The following NRXN3 variants were observed in gnomAD, a reference collection of about 807,000 sequenced individuals.
The protein encoded by NRXN3 is neurexin 3.
NRXN3 carries 32 observed loss-of-function variants against 137.6 expected under a neutral mutation model. The observed-to-expected ratio is 0.23, with a 90% CI of 0.18 to 0.31. The LOEUF is 0.31. Among genes scored for constraint, NRXN3 ranks in the 10% least tolerant of loss-of-function variants. The pLI is 1.00. For synonymous variants in NRXN3, 798 were observed against 784.5 expected (o/e 1.02, Z -0.29); for missense variants, 1,574 against 2,062.5 (o/e 0.76, Z 4.59).
At chr14:78,193,943 A>G (rs538725254) in intron 1 of NRXN3, among the ~76,000 whole-genome samples, 132 of 152,156 alleles carry the variant, frequency 8.7e-4, no homozygotes, top group African/African-American at 3.1e-3. Context: ...CCTGCTAGAC[A>G]TGGTATCATA....
intron 15 of NRXN3, among the ~76,000 whole-genome samples, chr14:79,267,685 G>A (rs2078651560): frequency 6.6e-6 from 1 of 151,742 alleles, no homozygotes; most frequent in African/African-American, 2.4e-5. Context: ...GTTTCACCAT[G>A]TTGGCCAGGC....
At chr14:79,213,428 A>C (rs995818858) in intron 15 of NRXN3, among the ~76,000 whole-genome samples, 17 of 152,222 alleles carry the variant, frequency 1.1e-4, no homozygotes, top group Non-Finnish European at 2.1e-4. Context: ...GGCAGAACAT[A>C]ATACAGTAAA....
intron 15 of NRXN3, among the ~76,000 whole-genome samples, chr14:79,394,938 C>T (rs1032692452): frequency 3.3e-5 from 5 of 152,134 alleles, no homozygotes; most frequent in African/African-American, 9.7e-5. Flanking sequence ...CTAAAGAGCC[C>T]GCATTCTTCT....
intron 4 of NRXN3, among the ~76,000 whole-genome samples, chr14:78,500,908 G>A (rs1226433218): frequency 2.0e-5 from 3 of 152,080 alleles, no homozygotes; most frequent in Admixed American, 1.3e-4. Flanking sequence ...GTGCTCAAAC[G>A]TTATTCTCCA....
chr14:79,774,109 C>T (rs1296058237), intron 19 of NRXN3, among the ~76,000 whole-genome samples: 4 of 152,016 alleles, frequency 2.6e-5, no homozygotes, highest in East Asian at 1.9e-4. Flanking sequence ...AATAACTGTA[C>T]GTGATTTATG....
At chr14:78,225,041 C>T (rs1320878340) in intron 1 of NRXN3, among the ~76,000 whole-genome samples, 1 of 152,176 alleles carries the variant, frequency 6.6e-6, no homozygotes, top group Non-Finnish European at 1.5e-5. Flanking sequence ...GCTGGGATTA[C>T]AGGCGTGAGC....
At chr14:79,584,786 T>C (rs1054833246) in intron 16 of NRXN3, among the ~76,000 whole-genome samples, 6 of 152,122 alleles carry the variant, frequency 3.9e-5, no homozygotes, top group African/African-American at 1.4e-4. Flanking sequence ...ACTGAGATTG[T>C]GCACAGCAGA....
chr14:78,957,202 C>T (rs201276674), intron 10 of NRXN3, 40 bp from the exon 11 acceptor site: 1 of 1,607,442 alleles, frequency 6.2e-7, no homozygotes, highest in South Asian at 1.1e-5. Flanking sequence ...GCACTACTTT[C>T]AGAATTGATT....
chr14:79,677,556 A>G (rs1195549499), intron 17 of NRXN3, among the ~76,000 whole-genome samples: 1 of 152,100 alleles, frequency 6.6e-6, no homozygotes, highest in Non-Finnish European at 1.5e-5. Context: ...AATAAAGGCA[A>G]TATATTGTTC....
chr14:79,264,166 GCA>G (rs1463147852), intron 15 of NRXN3, among the ~76,000 whole-genome samples: 1 of 152,062 alleles, frequency 6.6e-6, no homozygotes, highest in African/African-American at 2.4e-5. Context: ...ATGGCTCACT[GCA>G]ACTTCCGCCT....
At chr14:78,191,423 A>T (rs1384479632) in intron 1 of NRXN3, among the ~76,000 whole-genome samples, 1 of 152,182 alleles carries the variant, frequency 6.6e-6, no homozygotes, top group Admixed American at 6.5e-5. Context: ...GTGATGAAAC[A>T]TGCTTCAGAG....
chr14:78,595,297 T>C (rs571982964), intron 4 of NRXN3, among the ~76,000 whole-genome samples: 5 of 152,292 alleles, frequency 3.3e-5, no homozygotes, highest in African/African-American at 1.2e-4. Context: ...GCCACAGGGT[T>C]GAATACCTAA....
chr14:78,925,749 G>A (rs1467025585), intron 10 of NRXN3, among the ~76,000 whole-genome samples: 3 of 152,070 alleles, frequency 2.0e-5, no homozygotes, highest in Non-Finnish European at 4.4e-5. Context: ...TGCTAAGTAC[G>A]AGGCCAGTCC....
intron 10 of NRXN3, among the ~76,000 whole-genome samples, chr14:78,906,118 A>G (rs540993605): frequency 2.0e-5 from 3 of 152,080 alleles, no homozygotes; most frequent in Non-Finnish European, 4.4e-5. Flanking sequence ...TTATCGCACA[A>G]TCATATTTTC....
At chr14:78,510,760 A>C (rs775416172) in intron 4 of NRXN3, among the ~76,000 whole-genome samples, 10 of 152,130 alleles carry the variant, frequency 6.6e-5, no homozygotes, top group Non-Finnish European at 1.5e-4. Context: ...ACTAAATTTC[A>C]TGGAAATTCT....
In NRXN3 at chr14:78,918,306, AAG is replaced by A. The variant is rs1202463044; in HGVS notation, c.2276-38922_2276-38921del. On this transcript the variant is annotated intron_variant, in intron 10 of 20. Transcript: ENST00000335750. Reference sequence around the variant, plus strand: ...ATCTCAAAAAAAAAAAAAAAAAAAAAAGAGAGAGAGAGAGAAAAGAAATATCT... The same window carrying A: ...ATCTCAAAAAAAAAAAAAAAAAAAAAAGAGAGAGAGAGAAAAGAAATATCT... Among the ~76,000 whole-genome samples, 1,054 of 138,508 alleles carry A rather than the reference AAG, an allele frequency of 7.6e-3. 34 individuals are homozygous for A. The highest frequency in any genetic ancestry group is 0.024 in the East Asian group (105 of 4,376). The allele number at this position is 138,508 out of a possible 152,430, so 90.9% of individuals were successfully genotyped here.
rs571080431 is a variant in NRXN3, at chr14:79,400,567, T to G, written c.3263-66654T>G. ...TAGTTCCAAAGTCTACTATTCAGGCTGAACTTATGCATTTCTGGTGGTGAA... is the reference window on the plus strand; with the variant it reads ...TAGTTCCAAAGTCTACTATTCAGGCGGAACTTATGCATTTCTGGTGGTGAA... On this transcript the variant is annotated intron_variant, in intron 15 of 20. Coordinates refer to ENST00000335750, the MANE Select transcript of NRXN3 (RefSeq NM_001330195.2). 3.8e-3 allele frequency among the ~76,000 whole-genome samples: 583 copies of G among 152,344 alleles called. 1 individual carries two copies. Among genetic ancestry groups the G allele is most frequent in the Non-Finnish European group, 5.6e-3 (384 of 68,038 alleles).
intron 4 of NRXN3, among the ~76,000 whole-genome samples, chr14:78,386,721 G>A (rs1227619811): frequency 1.3e-5 from 2 of 152,064 alleles, no homozygotes; most frequent in Admixed American, 6.6e-5. Context: ...TTCTAAGGGT[G>A]GTGCCATGTT....
intron 16 of NRXN3, among the ~76,000 whole-genome samples, chr14:79,571,144 T>C (rs1336006692): frequency 6.6e-6 from 1 of 152,150 alleles, no homozygotes; most frequent in Non-Finnish European, 1.5e-5. Context: ...GTGTGGAAAT[T>C]TGCCACCCAA....
Sources: gnomAD v4.1 joint callset for allele counts (sites outside exome capture counted in the v4.1 genomes callset) on GRCh38, gnomAD v4.1.1 for gene constraint, MANE v1.5 for transcripts, NCBI Gene and HGNC (gene_info 2026-07-23, HGNC 2026-07-21) for gene names.